SPAG9: variants seen among roughly 807,000 people sequenced by gnomAD.
The protein encoded by SPAG9 is sperm associated antigen 9.
SPAG9 carries 35 observed loss-of-function variants against 166.5 expected under a neutral mutation model. The observed-to-expected ratio is 0.21, with a 90% confidence interval of 0.16 to 0.28. The LOEUF is 0.28. Ranked by LOEUF, SPAG9 falls within the 10% of genes least tolerant of loss-of-function variation. The pLI is 1.00. For synonymous variants in SPAG9, 534 were observed against 565.5 expected (o/e 0.94, Z 0.79); for missense variants, 1,235 against 1,603.3 (o/e 0.77, Z 3.92).
chr17:51,041,394 T>C (rs945696445), intron 5 of SPAG9, 107 bp downstream of exon 5: 1 of 1,030,862 alleles, frequency 9.7e-7, no homozygotes, highest in African/African-American at 1.6e-5. Context: ...AAACTAAATG[T>C]ATACAAACAA....
At chr17:51,067,822 T>C (rs2047716221) in intron 2 of SPAG9, among the ~76,000 whole-genome samples, 1 of 152,154 alleles carries the variant, frequency 6.6e-6, no homozygotes, top group African/African-American at 2.4e-5. Context: ...ATGATGGAGA[T>C]ACTTCAGCCT....
intron 27 of SPAG9, chr17:50,975,489 T>C (rs1361959215): frequency 7.9e-6 from 2 of 254,604 alleles, no homozygotes; most frequent in Non-Finnish European, 1.5e-5. Flanking sequence ...CTGCGTACTG[T>C]AAAAGACCAG....
At chr17:51,075,674 A>G (rs1027365797) in intron 2 of SPAG9, among the ~76,000 whole-genome samples, 1 of 152,076 alleles carries the variant, frequency 6.6e-6, no homozygotes, top group Non-Finnish European at 1.5e-5. Context: ...AAGTTTTAAA[A>G]TTAGCCAGGT....
chr17:51,072,837 C>T (rs1189755137), intron 2 of SPAG9, among the ~76,000 whole-genome samples: 3 of 151,976 alleles, frequency 2.0e-5, no homozygotes, highest in Non-Finnish European at 2.9e-5. Context: ...CTTGGTTTTC[C>T]AATAGTATAG....
intron 20 of SPAG9, 88 bp from the exon 21 acceptor site, chr17:50,989,960 C>T: frequency 2.8e-6 from 3 of 1,073,106 alleles, no homozygotes; most frequent in Non-Finnish European, 4.3e-6. Flanking sequence ...GAATTCCATT[C>T]CATCTACCCA....
chr17:50,992,490 G>A (rs952097932), intron 19 of SPAG9, among the ~76,000 whole-genome samples: 2 of 152,066 alleles, frequency 1.3e-5, no homozygotes, highest in African/African-American at 4.8e-5. Context: ...GGGCAACATG[G>A]TGAAACCCTG....
At position 50,962,601 on chromosome 17, in the gene SPAG9, C is replaced by A. The variant is rs1039589707; in HGVS notation, c.*3671G>T. On this transcript the variant is annotated 3_prime_UTR_variant, in exon 30 of 30. Coordinates refer to ENST00000262013, the MANE Select transcript of SPAG9 (RefSeq NM_001130528.3). The stretch of plus-strand genomic sequence containing the variant: ...GTTACAAAGTGGGACCAAATGAGTC[C>A]CTTTCTGAACATGATCAATTAAGAA... The A allele has an allele frequency of 6.6e-6, 1 of 152,106 alleles. No homozygotes were observed. The highest frequency in any genetic ancestry group is 2.4e-5 in the African/African-American group (1 of 41,422). The allele number at this position is 152,106 out of a possible 1,614,324, so 9.4% of individuals were successfully genotyped here. A position where few individuals can be genotyped will look rare whatever the true frequency, so the allele number is the denominator to read the frequency against.
intron 29 of SPAG9, among the ~76,000 whole-genome samples, chr17:50,968,120 C>T (rs796706615): frequency 7.2e-5 from 11 of 152,318 alleles, no homozygotes; most frequent in African/African-American, 2.6e-4. Context: ...CAACAATAGT[C>T]AATTATTCAA....
chr17:51,067,280 G>A (rs2047700304), intron 2 of SPAG9, among the ~76,000 whole-genome samples: 3 of 152,120 alleles, frequency 2.0e-5, no homozygotes, highest in South Asian at 2.1e-4. Flanking sequence ...CCATAAGATG[G>A]TATAAACACT....
chr17:50,971,903 G>A (rs868380832), intron 28 of SPAG9, among the ~76,000 whole-genome samples: 2 of 152,038 alleles, frequency 1.3e-5, no homozygotes, highest in East Asian at 1.9e-4. Context: ...AAGTAGTTGC[G>A]ATTACAGGTG....
intron 5 of SPAG9, chr17:51,031,963 T>C: frequency 3.2e-6 from 2 of 631,398 alleles, no homozygotes; most frequent in East Asian, 3.2e-5. Context: ...CTTATCAACA[T>C]GCAGCTCATT....
intron 2 of SPAG9, among the ~76,000 whole-genome samples, chr17:51,060,417 C>T (rs1015104672): frequency 3.3e-5 from 5 of 150,136 alleles, no homozygotes; most frequent in African/African-American, 7.4e-5. Flanking sequence ...GCAGGAGGAT[C>T]GCTTGAATCT....
intron 2 of SPAG9, among the ~76,000 whole-genome samples, chr17:51,062,368 C>A (rs1037988440): frequency 1.3e-5 from 2 of 152,126 alleles, no homozygotes; most frequent in Non-Finnish European, 2.9e-5. Flanking sequence ...CATGTGACCA[C>A]CATTATAGTA....
Position 50,974,757 on chromosome 17 carries a change from A to G in SPAG9, c.3700+14T>C. On this transcript the variant is annotated intron_variant, in intron 28 of 29. Transcript: ENST00000262013. The stretch of plus-strand genomic sequence containing the variant: ...CAATTACATGGAACATCTCAACAGA[A>G]TAATCTAACATACCTGGGACTGCCA... 6.3e-7 allele frequency: 1 copy of G among 1,586,096 alleles called. No homozygotes were observed. Among genetic ancestry groups the G allele is most frequent in the African/African-American group, 1.4e-5 (1 of 73,560 alleles).
chr17:51,092,276 G>A (rs1423033721), intron 1 of SPAG9, among the ~76,000 whole-genome samples: 1 of 151,832 alleles, frequency 6.6e-6, no homozygotes, highest in African/African-American at 2.4e-5. Flanking sequence ...CCAAAATGTG[G>A]AAAATTTTTT....
At chr17:51,108,659 G>A (rs1217505457) in intron 1 of SPAG9, among the ~76,000 whole-genome samples, 3 of 151,806 alleles carry the variant, frequency 2.0e-5, no homozygotes, top group Non-Finnish European at 4.4e-5. Flanking sequence ...ACCACACTCG[G>A]CTAATTTTTC....
intron 13 of SPAG9, among the ~76,000 whole-genome samples, chr17:51,000,750 TG>T (rs1261172955): frequency 9.3e-4 from 92 of 99,386 alleles, no homozygotes; most frequent in African/African-American, 3.3e-3. Context: ...TCTCAATAAA[TG>T]AATGAATAAA....
intron 5 of SPAG9, among the ~76,000 whole-genome samples, chr17:51,035,343 T>C (rs530381899): frequency 6.6e-6 from 1 of 152,336 alleles, no homozygotes; most frequent in Non-Finnish European, 1.5e-5. Flanking sequence ...TATATGGAAC[T>C]CTGCACTATT....
rs1048328987 is a variant in SPAG9 at position 51,081,785 on chromosome 17, G to GCT, written c.304-2083_304-2082dup. On this transcript the variant is annotated intron_variant, in intron 1 of 29. Coordinates refer to ENST00000262013, the MANE Select transcript of SPAG9 (RefSeq NM_001130528.3). ...AAACAATTTATCCTCTGCTTAAAAC[G>GCT]CTCTAGTGGTTTAAATTCTTTACCA... 2.9e-4 allele frequency among the ~76,000 whole-genome samples: 43 copies of GCT among 150,822 alleles called. 1 individual carries two copies. Among genetic ancestry groups the GCT allele is most frequent in the South Asian group, 1.3e-3 (6 of 4,770 alleles).
Sources: allele counts gnomAD v4.1 joint callset (sites outside exome capture counted in the v4.1 genomes callset), GRCh38; gene constraint gnomAD v4.1.1; transcripts MANE v1.5; gene names NCBI Gene and HGNC (gene_info 2026-07-23, HGNC 2026-07-21).